The following BANK1 variants were observed in gnomAD, a reference collection of about 807,000 sequenced individuals.
BANK1 encodes the protein B-cell scaffold protein with ankyrin repeats.
Under a neutral mutation model 94.5 loss-of-function variants are expected in BANK1, and 95 were observed. That is an observed-to-expected ratio of 1.00 (90% confidence interval 0.85 to 1.19). The LOEUF (loss-of-function observed/expected upper bound fraction) is 1.19, where lower values mean the gene tolerates loss of function less well. Ranked by LOEUF, BANK1 falls within the 50% of genes most tolerant of loss-of-function variation. The pLI, the probability that BANK1 is intolerant of heterozygous loss-of-function variation, is 0.00. For synonymous variants in BANK1, 334 were observed against 308.4 expected (o/e 1.08, Z -0.87); for missense variants, 987 against 932.2 (o/e 1.06, Z -0.77).
intron 7 of BANK1, among the ~76,000 whole-genome samples, chr4:102,002,917 G>A (rs1429924508): frequency 2.0e-5 from 3 of 152,174 alleles, no homozygotes; most frequent in Non-Finnish European, 4.4e-5. Flanking sequence ...GGGATTATAG[G>A]CATGTGCCAC....
intron 3 of BANK1, among the ~76,000 whole-genome samples, chr4:101,860,519 C>T (rs1265736960): frequency 3.3e-5 from 5 of 152,038 alleles, no homozygotes; most frequent in Non-Finnish European, 5.9e-5. Flanking sequence ...CAACTTCTGC[C>T]TCCCGGGCTC....
chr4:101,986,847 A>ATATATATGTATATATGTG (rs1560668214), intron 7 of BANK1, among the ~76,000 whole-genome samples: 1 of 53,138 alleles, frequency 1.9e-5, no homozygotes, highest in African/African-American at 6.9e-5. Flanking sequence ...ATATATGTGT[A>ATATATATGTATATATGTG]TATATATGTA....
intron 7 of BANK1, among the ~76,000 whole-genome samples, chr4:101,987,647 T>G (rs1284625846): frequency 6.6e-6 from 1 of 152,158 alleles, no homozygotes; most frequent in African/African-American, 2.4e-5. Flanking sequence ...TCTGAGAACT[T>G]TCTAAATGCA....
chr4:101,919,544 T>C (rs1215663424), intron 7 of BANK1, among the ~76,000 whole-genome samples: 1 of 152,034 alleles, frequency 6.6e-6, no homozygotes. Flanking sequence ...TATTTATACC[T>C]CTGCTCCTGC....
intron 1 of BANK1, among the ~76,000 whole-genome samples, chr4:101,825,764 G>A (rs1428147490): frequency 1.3e-5 from 2 of 152,022 alleles, no homozygotes; most frequent in South Asian, 2.1e-4. Context: ...GAGAAGAAAG[G>A]AATGATATTT....
intron 2 of BANK1, among the ~76,000 whole-genome samples, chr4:101,852,552 A>C (rs1727529704): frequency 7.1e-6 from 1 of 141,272 alleles, no homozygotes; most frequent in Non-Finnish European, 1.5e-5. Flanking sequence ...TATGTCTTTA[A>C]TTCCTACCAC....
intron 1 of BANK1, among the ~76,000 whole-genome samples, chr4:101,801,416 T>C (rs1725352599): frequency 1.3e-5 from 2 of 152,038 alleles, no homozygotes; most frequent in African/African-American, 4.8e-5. Flanking sequence ...TTCTGTTAGA[T>C]AGCAATGCAC....
At chr4:101,923,422 A>T (rs1453314965) in intron 7 of BANK1, among the ~76,000 whole-genome samples, 1 of 151,798 alleles carries the variant, frequency 6.6e-6, no homozygotes, top group Non-Finnish European at 1.5e-5. Context: ...GTCAAAAGCC[A>T]TAAATAATCA....
rs144444937 is a variant in BANK1 at position 101,914,218 on chromosome 4, T to G, written c.1010-3775T>G. ...GAAGTGGATTCTAACCATTCCCAGT[T>G]TGGATTTTAACTGAGTGGGCCCAGA... On this transcript the variant is annotated intron_variant, in intron 6 of 16. Transcript: ENST00000322953. 3.8e-3 allele frequency among the ~76,000 whole-genome samples: 573 copies of G among 152,176 alleles called. 2 individuals are homozygous for G. The highest frequency in any genetic ancestry group is 0.02 in the Middle Eastern group (6 of 294).
intron 13 of BANK1, among the ~76,000 whole-genome samples, chr4:102,067,226 A>T (rs1186694361): frequency 6.6e-6 from 1 of 152,180 alleles, no homozygotes. Context: ...AAAATAAAGC[A>T]GGAAAGTAGA....
chr4:101,830,347 T>A, intron 2 of BANK1, 141 bp downstream of exon 2: 1 of 625,378 alleles, frequency 1.6e-6, no homozygotes, highest in East Asian at 3.1e-5. Context: ...TTCAACAGTA[T>A]GTTGTACTGT....
chr4:101,857,214 A>T (rs2148875278), intron 3 of BANK1, among the ~76,000 whole-genome samples: 1 of 152,302 alleles, frequency 6.6e-6, no homozygotes, highest in Middle Eastern at 3.4e-3. Context: ...CATCCTAAAA[A>T]ATCTAGAAAT....
intron 7 of BANK1, among the ~76,000 whole-genome samples, chr4:101,954,568 A>G (rs889613694): frequency 2.6e-5 from 4 of 152,120 alleles, no homozygotes; most frequent in African/African-American, 9.7e-5. Context: ...TGATGAGGGA[A>G]GAGACATGAC....
chr4:102,003,679 G>A (rs778275159), intron 7 of BANK1, among the ~76,000 whole-genome samples: 1 of 152,126 alleles, frequency 6.6e-6, no homozygotes, highest in Non-Finnish European at 1.5e-5. Context: ...TTCTCAAGGA[G>A]AGAGAACATA....
At chr4:102,047,417 AG>A (rs757933345) in intron 11 of BANK1, among the ~76,000 whole-genome samples, 1 of 117,288 alleles carries the variant, frequency 8.5e-6, no homozygotes, top group Non-Finnish European at 1.8e-5. Flanking sequence ...TTCATATTTA[AG>A]GAGAAAGATA....
intron 6 of BANK1, among the ~76,000 whole-genome samples, chr4:101,901,755 GTTTTTTTGTTTTTGTTTTTTT>G (rs1262209350): frequency 2.4e-5 from 1 of 41,956 alleles, no homozygotes; most frequent in African/African-American, 5.7e-5. Flanking sequence ...GACGCTTTTT[GTTTTTTTGTTTTTGTTTTTTT>G]TTGAAACAGA....
intron 5 of BANK1, among the ~76,000 whole-genome samples, chr4:101,882,450 A>T (rs1728712272): frequency 6.6e-6 from 1 of 152,162 alleles, no homozygotes; most frequent in Admixed American, 6.5e-5. Flanking sequence ...TTCTTTACTG[A>T]CTTTTAACAG....
chr4:102,007,145 T>TACA (rs1560682309), intron 7 of BANK1, among the ~76,000 whole-genome samples: 1 of 19,290 alleles, frequency 5.2e-5, no homozygotes, highest in Non-Finnish European at 9.6e-5. Context: ...AAAAATATAT[T>TACA]TTATATATAT....
At chr4:101,970,738 C>G (rs1240851302) in intron 7 of BANK1, among the ~76,000 whole-genome samples, 1 of 152,082 alleles carries the variant, frequency 6.6e-6, no homozygotes, top group African/African-American at 2.4e-5. Context: ...ATGACCCTGT[C>G]ATGCTCCCCA....
Sources: gnomAD v4.1 joint callset for allele counts (sites outside exome capture counted in the v4.1 genomes callset) on GRCh38, gnomAD v4.1.1 for gene constraint, MANE v1.5 for transcripts, NCBI Gene and HGNC (gene_info 2026-07-23, HGNC 2026-07-21) for gene names.